The following AHCYL2 variants were observed in gnomAD, a reference collection of about 807,000 sequenced individuals.
AHCYL2 encodes the protein adenosylhomocysteinase like 2.
Under a neutral mutation model 81.4 loss-of-function variants are expected in AHCYL2, and 28 were observed. That is an observed-to-expected ratio of 0.34 (90% CI 0.25 to 0.47). AHCYL2 has a LOEUF of 0.47. AHCYL2 is among the 20% of genes least tolerant of loss of function. AHCYL2 has a pLI of 1.00. For missense variants in AHCYL2, 551 were observed against 785.1 expected (o/e 0.70, Z 3.56); for synonymous variants, 272 against 290.2 (o/e 0.94, Z 0.64).
chr7:129,369,038 T>C (rs1430862397), intron 1 of AHCYL2, among the ~76,000 whole-genome samples: 1 of 152,024 alleles, frequency 6.6e-6, no homozygotes, highest in Non-Finnish European at 1.5e-5. Context: ...TTTCCCTATT[T>C]CCCCCCCAGC....
chr7:129,306,355 G>A (rs1243989623), intron 1 of AHCYL2, among the ~76,000 whole-genome samples: 2 of 151,766 alleles, frequency 1.3e-5, no homozygotes, highest in East Asian at 3.9e-4. Flanking sequence ...TTCTGCTTGA[G>A]CAATTCTGCT....
chr7:129,259,000 G>A (rs972427822), intron 1 of AHCYL2, among the ~76,000 whole-genome samples: 14 of 152,182 alleles, frequency 9.2e-5, no homozygotes, highest in African/African-American at 3.4e-4. Context: ...ATCAAGTCCT[G>A]TGTTATTCCA....
rs138029861 is a variant in AHCYL2, at chr7:129,238,913, C to A, written c.363+13474C>A. Among the ~76,000 whole-genome samples, 19 of 152,220 alleles carry A rather than the reference C, an allele frequency of 1.2e-4. No individual in the cohort carries two copies. The East Asian group carries it at 3.7e-3, about 29-fold the overall frequency. ...GTGGCAGTGAGCTGAGATGGCACCA[C>A]TGCACTCCAGCCTGAGCAACAGAGC... On this transcript the variant is annotated intron_variant, in intron 1 of 16. Coordinates refer to ENST00000325006, the MANE Select transcript of AHCYL2 (RefSeq NM_015328.4).
At chr7:129,399,759 C>G (rs2150926328) in intron 5 of AHCYL2, among the ~76,000 whole-genome samples, 1 of 146,484 alleles carries the variant, frequency 6.8e-6, no homozygotes, top group South Asian at 2.2e-4. Flanking sequence ...CAGAGTCACG[C>G]CCTGTCGCCC....
intron 1 of AHCYL2, among the ~76,000 whole-genome samples, chr7:129,338,230 C>T (rs1332233575): frequency 1.3e-5 from 2 of 151,870 alleles, no homozygotes; most frequent in Non-Finnish European, 2.9e-5. Flanking sequence ...CTTACTATAA[C>T]CTAGAACTCC....
chr7:129,390,793 C>T (rs753642745), intron 4 of AHCYL2, among the ~76,000 whole-genome samples: 1 of 152,318 alleles, frequency 6.6e-6, no homozygotes, highest in East Asian at 1.9e-4. Flanking sequence ...GATCATGTAT[C>T]TGTGCTCCAC....
intron 1 of AHCYL2, among the ~76,000 whole-genome samples, chr7:129,274,341 A>G (rs773376477): frequency 2.0e-5 from 3 of 152,202 alleles, no homozygotes; most frequent in Non-Finnish European, 4.4e-5. Context: ...AGCCTCAACC[A>G]CATCTGGACC....
At chr7:129,297,505 T>G (rs1402867909) in intron 1 of AHCYL2, among the ~76,000 whole-genome samples, 1 of 152,208 alleles carries the variant, frequency 6.6e-6, no homozygotes, top group Non-Finnish European at 1.5e-5. Flanking sequence ...ATGCCTTTGC[T>G]TGAGACCTAA....
rs1174552360 is a variant in AHCYL2 at position 129,297,210 on chromosome 7, T to A, written c.363+71771T>A. Reference sequence around the variant, plus strand: ...GAATTTCTGAAAACATCACTGTTTATTCCAATTACAAATTTTTTGTAGTGC... The same window carrying A: ...GAATTTCTGAAAACATCACTGTTTAATCCAATTACAAATTTTTTGTAGTGC... On this transcript the variant is annotated intron_variant, in intron 1 of 16. Transcript: ENST00000325006. Among the ~76,000 whole-genome samples the A allele has an allele frequency of 3.3e-5, 5 of 152,300 alleles. No homozygotes were observed. The East Asian group carries it at 9.6e-4, about 29-fold the overall frequency.
intron 1 of AHCYL2, among the ~76,000 whole-genome samples, chr7:129,303,048 T>A (rs1022492299): frequency 1.3e-5 from 2 of 152,224 alleles, no homozygotes; most frequent in Non-Finnish European, 2.9e-5. Context: ...TTGCCCAGGC[T>A]GGAGTGCAAT....
At chr7:129,282,196 T>A (rs1232236043) in intron 1 of AHCYL2, among the ~76,000 whole-genome samples, 2 of 152,188 alleles carry the variant, frequency 1.3e-5, no homozygotes, top group African/African-American at 4.8e-5. Context: ...AATATTTTTC[T>A]ATTATTGGTG....
chr7:129,312,564 A>G (rs571105595), intron 1 of AHCYL2, among the ~76,000 whole-genome samples: 95 of 152,230 alleles, frequency 6.2e-4, no homozygotes, highest in African/African-American at 2.2e-3. Context: ...GTGAGCCACT[A>G]TGCTCAGCTC....
intron 5 of AHCYL2, among the ~76,000 whole-genome samples, chr7:129,399,355 G>C (rs1333414769): frequency 1.3e-5 from 2 of 150,730 alleles, no homozygotes; most frequent in Non-Finnish European, 3.0e-5. Context: ...GCTAAGGCAG[G>C]AGAATCGCTT....
In AHCYL2 at chr7:129,292,655, T is replaced by C. The variant is rs112189569; in HGVS notation, c.363+67216T>C. ...GGTGGCACACACCAGTAATCCCAGC[T>C]AGTTGGGAGGCTGAGGCAGGAGAAT... On this transcript the variant is annotated intron_variant, in intron 1 of 16. Coordinates refer to ENST00000325006, the MANE Select transcript of AHCYL2 (RefSeq NM_015328.4). Among the ~76,000 whole-genome samples the C allele has an allele frequency of 3.5e-3, 539 of 152,000 alleles. 2 individuals carry two copies. Among genetic ancestry groups the C allele is most frequent in the Non-Finnish European group, 5.6e-3 (379 of 67,976 alleles).
At chr7:129,261,249 T>G (rs1388727843) in intron 1 of AHCYL2, among the ~76,000 whole-genome samples, 1 of 152,248 alleles carries the variant, frequency 6.6e-6, no homozygotes, top group Non-Finnish European at 1.5e-5. Context: ...TTTAATGGTA[T>G]TATTTAATCT....
In AHCYL2 at chr7:129,426,894, G is replaced by T; in HGVS notation, c.1830-145G>T. The T allele has an allele frequency of 1.3e-6, 1 of 795,298 alleles. No individual in the cohort carries two copies. Among genetic ancestry groups the T allele is most frequent in the East Asian group, 2.5e-5 (1 of 39,484 alleles). The allele number at this position is 795,298 out of a possible 1,614,324, so 49.3% of individuals were successfully genotyped here. ...AGAAATATTGGCCTTTTTCAATGATGTGAAAAGGAAACACAGTTATTTCCT... is the reference window on the plus strand; with the variant it reads ...AGAAATATTGGCCTTTTTCAATGATTTGAAAAGGAAACACAGTTATTTCCT... On this transcript the variant is annotated intron_variant, in intron 16 of 16. Coordinates refer to ENST00000325006, the MANE Select transcript of AHCYL2 (RefSeq NM_015328.4). This position sits in a 1 kb window ranked among gnomAD's most constrained non-coding sequence, Gnocchi z 4.3.
chr7:129,247,408 G>T (rs528803166), intron 1 of AHCYL2, among the ~76,000 whole-genome samples: 2 of 152,070 alleles, frequency 1.3e-5, no homozygotes, highest in African/African-American at 2.4e-5. Context: ...TTTTTAATTG[G>T]GTTGTTTTAT....
chr7:129,403,860 CAAAAAAAAA>C (rs34806455), intron 7 of AHCYL2, among the ~76,000 whole-genome samples: 147 of 80,190 alleles, frequency 1.8e-3, no homozygotes, highest in African/African-American at 5.6e-3. Context: ...GACTCCATCT[CAAAAAAAAA>C]AAAAAAAAAA....
At chr7:129,301,890 T>G (rs1243299107) in intron 1 of AHCYL2, among the ~76,000 whole-genome samples, 1 of 152,178 alleles carries the variant, frequency 6.6e-6, no homozygotes, top group Non-Finnish European at 1.5e-5. Flanking sequence ...TTTTTCTATT[T>G]CTGTGAAGAA....
Sources: gnomAD v4.1 joint callset for allele counts (sites outside exome capture counted in the v4.1 genomes callset) on GRCh38, gnomAD v4.1.1 for gene constraint, Gnocchi (gnomAD v3.1) non-coding constraint, MANE v1.5 for transcripts, NCBI Gene and HGNC (gene_info 2026-07-23, HGNC 2026-07-21) for gene names.